The following CEP192 variants were observed in gnomAD, a reference collection of about 807,000 sequenced individuals.
CEP192 encodes the protein centrosomal protein of 192 kDa.
CEP192 carries 151 observed loss-of-function variants against 271.8 expected under a neutral mutation model. That is an observed-to-expected ratio of 0.56 (90% CI 0.49 to 0.64). The LOEUF (loss-of-function observed/expected upper bound fraction) is 0.64, where lower values mean the gene tolerates loss of function less well. CEP192 is among the 30% of genes least tolerant of loss of function. The probability of loss-of-function intolerance (pLI) is 0.00; values close to 1 mark genes in which losing one functional copy is unlikely to be tolerated. For synonymous variants in CEP192, 995 were observed against 1,076.5 expected (o/e 0.92, Z 1.48); for missense variants, 2,910 against 3,020.5 (o/e 0.96, Z 0.86).
chr18:13,059,856 G>C (rs958585166), intron 21 of CEP192, among the ~76,000 whole-genome samples: 10 of 152,162 alleles, frequency 6.6e-5, no homozygotes, highest in Non-Finnish European at 1.5e-5. Flanking sequence ...ATCAGAGCGA[G>C]GGAGGGTGTG....
chr18:13,020,689 C>T (rs1293258260), intron 9 of CEP192, among the ~76,000 whole-genome samples: 1 of 152,168 alleles, frequency 6.6e-6, no homozygotes, highest in African/African-American at 2.4e-5. Context: ...TTTACATCCA[C>T]CAACAAAACA....
chr18:13,068,816 C>G, intron 24 of CEP192, 36 bp from the exon 25 acceptor site: 1 of 1,612,848 alleles, frequency 6.2e-7, no homozygotes, highest in Non-Finnish European at 8.5e-7. Context: ...AAATAACTCT[C>G]TGGTCTCCAA....
At chr18:13,050,374 T>C (rs762024898) in intron 17 of CEP192, among the ~76,000 whole-genome samples, 4 of 152,184 alleles carry the variant, frequency 2.6e-5, no homozygotes, top group Non-Finnish European at 4.4e-5. Flanking sequence ...TTTCAAAATA[T>C]TGGATTTCAA....
At chr18:13,030,078 A>T in intron 10 of CEP192, 76 bp downstream of exon 10, 1 of 1,141,168 alleles carries the variant, frequency 8.8e-7, no homozygotes, top group Non-Finnish European at 1.2e-6. Context: ...TTTTCATGTG[A>T]AATGTGCCAG....
intron 21 of CEP192, among the ~76,000 whole-genome samples, chr18:13,062,983 G>C (rs760959429): frequency 2.4e-4 from 37 of 152,136 alleles, no homozygotes; most frequent in Non-Finnish European, 3.7e-4. Flanking sequence ...CGTGATGTTT[G>C]TCTTTCTGTG....
chr18:13,005,741 G>A (rs1374212530), intron 3 of CEP192, among the ~76,000 whole-genome samples: 1 of 152,224 alleles, frequency 6.6e-6, no homozygotes, highest in Admixed American at 6.5e-5. Flanking sequence ...GAGAGGCATG[G>A]CCTCAGTCTC....
intron 14 of CEP192, among the ~76,000 whole-genome samples, chr18:13,041,781 G>A (rs145787331): frequency 6.6e-6 from 1 of 152,144 alleles, no homozygotes; most frequent in African/African-American, 2.4e-5. Flanking sequence ...GGCCAGGCTG[G>A]TCTCAAACTC....
rs1267881424 is a variant in CEP192 at position 13,087,357 on chromosome 18, T to TAA, written c.5877+83_5877+84dup. On this transcript the variant is annotated intron_variant, in intron 31 of 44. Coordinates refer to ENST00000506447, the MANE Select transcript of CEP192 (RefSeq NM_032142.4). Reference sequence around the variant, plus strand: ...AATTATGTATTTTAAAGCCAAAAGCTAAAATAATACTTGAAAATAATGTAG... The same window carrying TAA: ...AATTATGTATTTTAAAGCCAAAAGCTAAAAAATAATACTTGAAAATAATGTAG... The TAA allele has an allele frequency of 4.7e-6, 6 of 1,264,160 alleles. No homozygotes were observed. The East Asian group carries it at 1.5e-4, about 31-fold the overall frequency. The allele number at this position is 1,264,160 out of a possible 1,614,324, so 78.3% of individuals were successfully genotyped here.
intron 15 of CEP192, among the ~76,000 whole-genome samples, chr18:13,046,390 T>C (rs1374352015): frequency 6.6e-6 from 1 of 152,222 alleles, no homozygotes; most frequent in Non-Finnish European, 1.5e-5. Context: ...TCACAGTCTT[T>C]CTACTTACAC....
At chr18:13,038,837 A>G (rs2036047543) in intron 13 of CEP192, among the ~76,000 whole-genome samples, 1 of 152,212 alleles carries the variant, frequency 6.6e-6, no homozygotes. Context: ...GGGCTTTGTA[A>G]GATTTAAATG....
intron 1 of CEP192, among the ~76,000 whole-genome samples, chr18:12,997,890 A>T (rs1011459173): frequency 2.6e-5 from 4 of 151,764 alleles, no homozygotes; most frequent in Non-Finnish European, 4.4e-5. Context: ...ACGCCCAGCT[A>T]GTTTTTGTAT....
At chr18:13,004,219 T>C (rs1258312612) in intron 3 of CEP192, among the ~76,000 whole-genome samples, 1 of 152,062 alleles carries the variant, frequency 6.6e-6, no homozygotes, top group African/African-American at 2.4e-5. Flanking sequence ...GTAGACAGCT[T>C]GTGGAGTTTT....
chr18:13,008,281 C>G (rs983573693), intron 3 of CEP192, among the ~76,000 whole-genome samples, 175 bp from the exon 4 acceptor site: 5 of 152,190 alleles, frequency 3.3e-5, no homozygotes. Context: ...GTTCAGTCCC[C>G]AGAATACAGT....
intron 15 of CEP192, among the ~76,000 whole-genome samples, chr18:13,043,312 C>G: frequency 6.6e-6 from 1 of 152,166 alleles, no homozygotes; most frequent in East Asian, 1.9e-4. Flanking sequence ...TGTGTCTTCT[C>G]CCAGTCTGTG....
chr18:13,113,608 G>C lies in CEP192; in HGVS notation c.7070G>C (p.Arg2357Thr). Residue 2357 changes from arginine (R) to threonine (T), a missense_variant, in exon 41 of 45, where the codon AGA becomes ACA. By Grantham distance (71) the Arg-to-Thr change is moderately conservative. Transcript: ENST00000506447. Reference protein sequence around the residue: ...IQKVSITFLPRGRGDYAQFWD... With the variant: ...IQKVSITFLPTGRGDYAQFWD... ...TAGGTCTCCATCACATTTTTGCCCA[G>C]AGGTAGGGGGGATTATGCCCAGTTT... 1 of 1,612,870 alleles carries C rather than the reference G, an allele frequency of 6.2e-7. No homozygotes were observed. The highest frequency in any genetic ancestry group is 1.1e-5 in the South Asian group (1 of 90,720).
chr18:13,062,669 A>C (rs2037473375), intron 21 of CEP192, among the ~76,000 whole-genome samples: 1 of 152,116 alleles, frequency 6.6e-6, no homozygotes, highest in Non-Finnish European at 1.5e-5. Context: ...TCAGACATGC[A>C]GTGTGAAATA....
chr18:12,995,347 A>G (rs1311756242), intron 1 of CEP192, among the ~76,000 whole-genome samples: 1 of 152,046 alleles, frequency 6.6e-6, no homozygotes, highest in Non-Finnish European at 1.5e-5. Flanking sequence ...TACAGGCGTG[A>G]GCCACCACGC....
At position 13,050,429 on chromosome 18, in the gene CEP192, T is replaced by C. The variant is rs187692648; in HGVS notation, c.3017+538T>C. 2.0e-5 allele frequency among the ~76,000 whole-genome samples: 3 copies of C among 152,336 alleles called. No individual in the cohort carries two copies. In the East Asian group the frequency reaches 5.8e-4, roughly 29 times the overall value. The stretch of plus-strand genomic sequence containing the variant: ...ACCAAGCTGCCATTAAAGTTTTTCA[T>C]GTTCATCTGAAGCAACATGGTACGG... On this transcript the variant is annotated intron_variant, in intron 17 of 44. Coordinates refer to ENST00000506447, the MANE Select transcript of CEP192 (RefSeq NM_032142.4).
intron 44 of CEP192, among the ~76,000 whole-genome samples, chr18:13,121,616 TC>T (rs1369130945): frequency 6.6e-6 from 1 of 152,224 alleles, no homozygotes; most frequent in African/African-American, 2.4e-5. Context: ...TTCTGAGAGA[TC>T]ATCTCTTTCT....
Sources: allele counts gnomAD v4.1 joint callset (sites outside exome capture counted in the v4.1 genomes callset), GRCh38; gene constraint gnomAD v4.1.1; transcripts MANE v1.5; gene names NCBI Gene and HGNC (gene_info 2026-07-23, HGNC 2026-07-21).